The following MIB1 variants were observed in gnomAD, a reference collection of about 807,000 sequenced individuals.
The protein encoded by MIB1 is MIB E3 ubiquitin protein ligase 1.
A neutral mutation model predicts 124.5 loss-of-function variants in MIB1; 278 were observed. The observed-to-expected ratio is 2.23, with a 90% CI of 2.02 to 2.47. The LOEUF is 2.47. Ranked by LOEUF, MIB1 falls within the 30% of genes most tolerant of loss-of-function variation. The pLI is 0.00. For missense variants in MIB1, 957 were observed against 1,254.4 expected, an observed-to-expected ratio of 0.76 and a Z score of 3.58; for synonymous variants, 446 against 429.4, an observed-to-expected ratio of 1.04 and a Z score of -0.48.
intron 17 of MIB1, 81 bp from the exon 18 acceptor site, chr18:21,853,059 C>A: frequency 1.1e-6 from 1 of 901,620 alleles, no homozygotes; most frequent in Non-Finnish European, 1.8e-6. Flanking sequence ...AGAGGAAATA[C>A]ATTTGGATAT....
At chr18:21,817,151 ATTCTTT>A (rs2041837043) in intron 11 of MIB1, among the ~76,000 whole-genome samples, 1 of 109,292 alleles carries the variant, frequency 9.1e-6, no homozygotes, top group African/African-American at 4.0e-5. Context: ...TGGGTTAGGA[ATTCTTT>A]TTTTTTTTTT....
chr18:21,847,724 C>T (rs932835470), intron 16 of MIB1, among the ~76,000 whole-genome samples: 1 of 152,196 alleles, frequency 6.6e-6, no homozygotes, highest in Non-Finnish European at 1.5e-5. Context: ...TGCTCAGTGC[C>T]TGACAGGTGC....
In MIB1 at chr18:21,853,186, T is replaced by G; in HGVS notation, c.2633T>G (p.Phe878Cys). ...VCSDKKAAVL[F>C]QPCGHMCACE... ...TCTGACAAGAAAGCAGCTGTTCTTTTTCAACCCTGTGGCCACATGTGTGCT... is the reference window on the plus strand; with the variant it reads ...TCTGACAAGAAAGCAGCTGTTCTTTGTCAACCCTGTGGCCACATGTGTGCT... The change falls in exon 18 of 21, where the codon TTT becomes TGT. Residue 878 changes from phenylalanine (F) to cysteine (C), a missense_variant. Physicochemically the swap from Phe to Cys is radical, Grantham distance 205. Coordinates refer to ENST00000261537, the MANE Select transcript of MIB1 (RefSeq NM_020774.4). 6.2e-7 allele frequency: 1 copy of G among 1,613,472 alleles called. No homozygotes were observed. Among genetic ancestry groups the G allele is most frequent in the Non-Finnish European group, 8.5e-7 (1 of 1,179,574 alleles).
chr18:21,802,466 C>G (rs2041660849), intron 9 of MIB1, among the ~76,000 whole-genome samples: 1 of 151,640 alleles, frequency 6.6e-6, no homozygotes, highest in South Asian at 2.1e-4. Flanking sequence ...ATTATTCCAT[C>G]AGTTTTAAAT....
At chr18:21,735,391 C>G (rs574403526) in intron 1 of MIB1, among the ~76,000 whole-genome samples, 1 of 152,204 alleles carries the variant, frequency 6.6e-6, no homozygotes, top group Non-Finnish European at 1.5e-5. Flanking sequence ...GAAATTCCCT[C>G]CGGTGCCTAC....
chr18:21,731,733 C>CA (rs1229088832), intron 1 of MIB1, among the ~76,000 whole-genome samples: 1,504 of 35,846 alleles, frequency 0.042, 69 homozygotes, highest in African/African-American at 0.1. Context: ...CCCCGTCTCA[C>CA]AAAAAAAAAA....
chr18:21,794,878 T>C (rs2041555579), intron 7 of MIB1, among the ~76,000 whole-genome samples: 1 of 152,158 alleles, frequency 6.6e-6, no homozygotes, highest in African/African-American at 2.4e-5. Flanking sequence ...ATAACTGTGC[T>C]ATGAATATGT....
At chr18:21,786,979 T>C (rs2146436950) in intron 6 of MIB1, among the ~76,000 whole-genome samples, 1 of 152,316 alleles carries the variant, frequency 6.6e-6, no homozygotes, top group Middle Eastern at 3.4e-3. Flanking sequence ...TCCTGTTTAT[T>C]TTCTTATCTG....
chr18:21,779,372 C>A, intron 5 of MIB1, 109 bp from the exon 6 acceptor site: 1 of 827,212 alleles, frequency 1.2e-6, no homozygotes. Context: ...CCTTTTAAAA[C>A]TAGATGGTAC....
intron 12 of MIB1, chr18:21,826,970 G>A (rs2041929880): frequency 6.6e-6 from 1 of 152,094 alleles, no homozygotes; most frequent in African/African-American, 2.4e-5. Context: ...GCTGAAGATA[G>A]CAATAATACT....
chr18:21,756,905 G>T (rs754391054), intron 1 of MIB1, among the ~76,000 whole-genome samples: 2 of 152,150 alleles, frequency 1.3e-5, no homozygotes, highest in African/African-American at 4.8e-5. Flanking sequence ...CTTTTGGAAT[G>T]TGTGTGGCAT....
At chr18:21,740,791 C>T (rs912852853), upstream of MIB1, among the ~76,000 whole-genome samples, 3 of 151,954 alleles carry the variant, frequency 2.0e-5, no homozygotes, top group Non-Finnish European at 2.9e-5. Flanking sequence ...TGCGCACTCT[C>T]CTTGGACCCT....
rs1568221687 is a variant in MIB1 at position 21,838,362 on chromosome 18, C to G, written c.1830-3C>G. ...ATAGAAATAATGTGAATTTAACTTT[C>G]AGTGCAATGCGTGTTTTACTATCTA... is the stretch of plus-strand genomic sequence containing the variant. On this transcript the variant is annotated splice_polypyrimidine_tract_variant and splice_region_variant and intron_variant, in intron 12 of 20. Coordinates refer to ENST00000261537, the MANE Select transcript of MIB1 (RefSeq NM_020774.4). 1.3e-6 allele frequency: 2 copies of G among 1,568,514 alleles called. No individual in the cohort carries two copies. Among genetic ancestry groups the G allele is most frequent in the Non-Finnish European group, 1.7e-6 (2 of 1,157,546 alleles).
At chr18:21,749,974 G>C (rs1288591240) in intron 1 of MIB1, among the ~76,000 whole-genome samples, 10 of 150,446 alleles carry the variant, frequency 6.6e-5, no homozygotes, top group Non-Finnish European at 1.5e-4. Flanking sequence ...CAGTTTTCTT[G>C]TATTTTTTTT....
At chr18:21,812,667 A>G (rs2041787618) in intron 10 of MIB1, among the ~76,000 whole-genome samples, 1 of 152,234 alleles carries the variant, frequency 6.6e-6, no homozygotes, top group African/African-American at 2.4e-5. Context: ...AAGATAGGCA[A>G]TACTAAATAA....
intron 12 of MIB1, among the ~76,000 whole-genome samples, chr18:21,835,019 A>G (rs1328420315): frequency 1.3e-5 from 2 of 152,196 alleles, no homozygotes; most frequent in Non-Finnish European, 2.9e-5. Context: ...AAACAAAACC[A>G]AAAAGTTCAC....
In MIB1 at chr18:21,857,073, G is replaced by A. The variant is rs143519030; in HGVS notation, c.2666-57G>A. The A allele has an allele frequency of 1.7e-3, 1,895 of 1,142,998 alleles. 5 individuals are homozygous for A. The highest frequency in any genetic ancestry group is 1.6e-3 in the Non-Finnish European group (1,201 of 755,446). The allele number at this position is 1,142,998 out of a possible 1,614,324, so 70.8% of individuals were successfully genotyped here. A position where few individuals can be genotyped will look rare whatever the true frequency, so the allele number is the denominator to read the frequency against. On this transcript the variant is annotated intron_variant, in intron 18 of 20. Coordinates refer to ENST00000261537, the MANE Select transcript of MIB1 (RefSeq NM_020774.4). The stretch of plus-strand genomic sequence containing the variant: ...AAGTCATAAAAATTAGCAGAGAAAG[G>A]CAACACTCCTATTAATGTTCTCTCT...
chr18:21,844,356 C>T, intron 15 of MIB1, 103 bp downstream of exon 15: 2 of 1,213,542 alleles, frequency 1.6e-6, no homozygotes, highest in East Asian at 2.5e-5. Flanking sequence ...AATATTTTAT[C>T]AGAGCTATGT....
chr18:21,861,281 A>C (rs1168451415), intron 20 of MIB1, among the ~76,000 whole-genome samples: 1 of 152,084 alleles, frequency 6.6e-6, no homozygotes, highest in Admixed American at 6.5e-5. Context: ...TACATCTAAT[A>C]TAATACATCT....
Sources: gnomAD v4.1 joint callset for allele counts (sites outside exome capture counted in the v4.1 genomes callset) on GRCh38, gnomAD v4.1.1 for gene constraint, MANE v1.5 for transcripts, NCBI Gene and HGNC (gene_info 2026-07-23, HGNC 2026-07-21) for gene names.